SRGAP2B: variants seen among roughly 807,000 people sequenced by gnomAD.
The protein encoded by SRGAP2B is SLIT-ROBO Rho GTPase-activating protein 2B.
In SRGAP2B, 9 loss-of-function variants were observed where a neutral mutation model predicts 22.2. The observed-to-expected ratio is 0.41, with a 90% confidence interval of 0.24 to 0.71. SRGAP2B has a LOEUF of 0.71. SRGAP2B is among the 30% of genes least tolerant of loss of function. SRGAP2B has a pLI of 0.35. For synonymous variants in SRGAP2B, 36 were observed against 87.4 expected, an observed-to-expected ratio of 0.41 and a Z score of 3.28; for missense variants, 114 against 235.8, an observed-to-expected ratio of 0.48 and a Z score of 3.38.
intron 4 of SRGAP2B, among the ~76,000 whole-genome samples, chr1:144,927,384 T>G (rs2101813492): frequency 6.6e-6 from 1 of 150,956 alleles, no homozygotes; most frequent in South Asian, 2.1e-4. Flanking sequence ...GCTGGTGATA[T>G]ATTTTCTCAT....
intron 3 of SRGAP2B, among the ~76,000 whole-genome samples, chr1:144,987,139 G>A (rs1323510788): frequency 3.9e-5 from 6 of 152,134 alleles, no homozygotes; most frequent in Non-Finnish European, 7.3e-5. Context: ...GTGCACCTGT[G>A]GCACTCTGTA....
intron 7 of SRGAP2B, among the ~76,000 whole-genome samples, chr1:144,900,067 CA>C (rs1407899093): frequency 1.5e-5 from 1 of 67,126 alleles, no homozygotes; most frequent in African/African-American, 6.8e-5. Context: ...ACTAGCTTCT[CA>C]CTCTTCTTTA....
chr1:144,926,676 T>C (rs1432287861), intron 4 of SRGAP2B, among the ~76,000 whole-genome samples: 1 of 150,210 alleles, frequency 6.7e-6, no homozygotes, highest in Non-Finnish European at 1.5e-5. Flanking sequence ...GGGCAACAGA[T>C]AGACCCTCTC....
intron 4 of SRGAP2B, among the ~76,000 whole-genome samples, chr1:144,954,937 T>G (rs1327614565): frequency 6.7e-6 from 1 of 150,314 alleles, no homozygotes; most frequent in Non-Finnish European, 1.5e-5. Context: ...TATATGAGTT[T>G]GCTAAATGAA....
In SRGAP2B at chr1:144,993,931, C is replaced by T. The variant is rs6688767; in HGVS notation, c.260+1077G>A. Among the ~76,000 whole-genome samples the T allele has an allele frequency of 4.8e-4, 73 of 150,538 alleles. 1 individual carries two copies. Among genetic ancestry groups the T allele is most frequent in the African/African-American group, 1.7e-3 (67 of 40,140 alleles). On this transcript the variant is annotated intron_variant, in intron 3 of 9. Transcript: ENST00000612199. ...CAGGATGGCTTTGAATGCAACCCAA[C>T]GGAAATTTGTAAACTTTCTTAAAAT...
chr1:144,979,834 C>T (rs1553614813), intron 3 of SRGAP2B, among the ~76,000 whole-genome samples: 1 of 151,684 alleles, frequency 6.6e-6, no homozygotes, highest in Non-Finnish European at 1.5e-5. Flanking sequence ...GACACCAGCA[C>T]CATGCCTCCT....
At chr1:144,960,374 G>A (rs1570855726) in intron 3 of SRGAP2B, among the ~76,000 whole-genome samples, 6 of 150,832 alleles carry the variant, frequency 4.0e-5, no homozygotes, top group South Asian at 4.2e-4. Flanking sequence ...AAGGAGACCC[G>A]GAAAGTCACA....
chr1:145,006,324 A>G (rs1553621069), intron 2 of SRGAP2B, among the ~76,000 whole-genome samples: 2 of 150,864 alleles, frequency 1.3e-5, no homozygotes, highest in African/African-American at 5.0e-5. Context: ...TTACATGAAG[A>G]TGTCCCACAA....
At chr1:144,997,406 G>A (rs1366123605) in intron 2 of SRGAP2B, among the ~76,000 whole-genome samples, 2 of 150,640 alleles carry the variant, frequency 1.3e-5, no homozygotes, top group East Asian at 3.9e-4. Context: ...ACTCCAGCCT[G>A]GGCGACAGAG....
chr1:144,994,584 GA>G (rs1670522640), intron 3 of SRGAP2B, among the ~76,000 whole-genome samples: 1 of 148,780 alleles, frequency 6.7e-6, no homozygotes, highest in African/African-American at 2.6e-5. Flanking sequence ...GAGAGAGAGA[GA>G]GAGAGAGAGA....
In SRGAP2B at chr1:144,971,157, T is replaced by C. The variant is rs587753452; in HGVS notation, c.261-15556A>G. 8.9e-5 allele frequency among the ~76,000 whole-genome samples: 13 copies of C among 146,876 alleles called. 1 individual carries two copies. Among genetic ancestry groups the C allele is most frequent in the Middle Eastern group, 3.5e-3 (1 of 282 alleles). On this transcript the variant is annotated intron_variant, in intron 3 of 9. Transcript: ENST00000612199. ...TTTTTTTTTTTTTTTTGAGACGGAG[T>C]TTCACTCTTGTTGTCCAGGCTAGAG... is the stretch of plus-strand genomic sequence containing the variant.
chr1:145,041,075 G>GTGTA (rs1553627455), intron 2 of SRGAP2B, among the ~76,000 whole-genome samples: 53 of 76,474 alleles, frequency 6.9e-4, no homozygotes, highest in Admixed American at 6.3e-3. Flanking sequence ...TATATATATA[G>GTGTA]TATATATATA....
chr1:145,020,616 C>G (rs1672732212), intron 2 of SRGAP2B, among the ~76,000 whole-genome samples: 1 of 147,512 alleles, frequency 6.8e-6, no homozygotes, highest in Non-Finnish European at 1.5e-5. Context: ...AATGTTAACT[C>G]ACAGAGATCT....
At position 144,992,114 on chromosome 1, in the gene SRGAP2B, C is replaced by T. The variant is rs1301945650; in HGVS notation, c.260+2894G>A. On this transcript the variant is annotated intron_variant, in intron 3 of 9. Transcript: ENST00000612199. The stretch of plus-strand genomic sequence containing the variant: ...CGGGAGGAACGAACAACTCCAGACG[C>T]GCTGCCTTAAGAGCTGTAACACTCA... 1.0e-4 allele frequency among the ~76,000 whole-genome samples: 15 copies of T among 150,344 alleles called. 1 individual carries two copies. The highest frequency in any genetic ancestry group is 2.2e-4 in the African/African-American group (9 of 40,010).
At chr1:144,953,839 G>A (rs1425203037) in intron 4 of SRGAP2B, among the ~76,000 whole-genome samples, 1 of 150,698 alleles carries the variant, frequency 6.6e-6, no homozygotes, top group Non-Finnish European at 1.5e-5. Flanking sequence ...TATAAAAGTT[G>A]TTTTCTCGGA....
chr1:144,958,182 G>A (rs2474138), intron 3 of SRGAP2B, among the ~76,000 whole-genome samples: 11 of 151,604 alleles, frequency 7.3e-5, no homozygotes, highest in African/African-American at 2.0e-4. Flanking sequence ...AAGGTAGACC[G>A]CAGATCAAAA....
At chr1:144,979,825 A>AC (rs1669187775) in intron 3 of SRGAP2B, among the ~76,000 whole-genome samples, 1 of 151,678 alleles carries the variant, frequency 6.6e-6, no homozygotes, top group South Asian at 2.1e-4. Context: ...CCAGAAGCAG[A>AC]CACCAGCACC....
At chr1:145,075,822 TCA>T (rs1183870766) in intron 2 of SRGAP2B, among the ~76,000 whole-genome samples, 1 of 148,940 alleles carries the variant, frequency 6.7e-6, no homozygotes, top group African/African-American at 2.5e-5. Context: ...GCACGGTGGC[TCA>T]CACCTGTAAT....
intron 3 of SRGAP2B, among the ~76,000 whole-genome samples, chr1:144,985,447 CAGG>C (rs1360292393): frequency 5.3e-5 from 8 of 150,122 alleles, no homozygotes; most frequent in African/African-American, 1.2e-4. Context: ...CTATTAAAAG[CAGG>C]AGATCAAAAC....
Sources: gnomAD v4.1 joint callset for allele counts (sites outside exome capture counted in the v4.1 genomes callset) on GRCh38, gnomAD v4.1.1 for gene constraint, MANE v1.5 for transcripts, NCBI Gene and HGNC (gene_info 2026-07-23, HGNC 2026-07-21) for gene names.